SLCO6A1: variants seen among roughly 807,000 people sequenced by gnomAD.
SLCO6A1 encodes the protein solute carrier organic anion transporter family member 6A1.
A neutral mutation model predicts 72.7 loss-of-function variants in SLCO6A1; 65 were observed. The ratio of observed to expected loss-of-function variants is 0.89; its 90% CI spans 0.73 to 1.10. The LOEUF (loss-of-function observed/expected upper bound fraction) is 1.10, where lower values mean the gene tolerates loss of function less well. Ranked by LOEUF, SLCO6A1 falls within the 50% of genes least tolerant of loss-of-function variation. The pLI is 0.00. For missense variants in SLCO6A1, 874 were observed against 872.6 expected, an observed-to-expected ratio of 1.00 and a Z score of -0.02; for synonymous variants, 314 against 298.2, an observed-to-expected ratio of 1.05 and a Z score of -0.55.
At chr5:102,453,465 C>G (rs532288593) in intron 6 of SLCO6A1, among the ~76,000 whole-genome samples, 1 of 152,270 alleles carries the variant, frequency 6.6e-6, no homozygotes, top group East Asian at 1.9e-4. Flanking sequence ...ACCTCAGAGA[C>G]AGTTTGTACT....
At chr5:102,381,651 T>C (rs1486328819) in intron 12 of SLCO6A1, among the ~76,000 whole-genome samples, 1 of 151,748 alleles carries the variant, frequency 6.6e-6, no homozygotes, top group Non-Finnish European at 1.5e-5. Flanking sequence ...GAACTTGTTT[T>C]CAGTAATGGC....
chr5:102,481,946 C>T (rs543350373), intron 1 of SLCO6A1, among the ~76,000 whole-genome samples: 4 of 152,212 alleles, frequency 2.6e-5, no homozygotes, highest in Admixed American at 2.0e-4. Flanking sequence ...GCCAAAGAAG[C>T]CACGAGCCAG....
chr5:102,399,263 T>C (rs1408075155), intron 10 of SLCO6A1, among the ~76,000 whole-genome samples: 1 of 95,924 alleles, frequency 1.0e-5, no homozygotes, highest in Non-Finnish European at 2.3e-5. Flanking sequence ...ATCAAATCTG[T>C]TAAAATTAAT....
chr5:102,464,194 T>G (rs910727010), intron 4 of SLCO6A1, among the ~76,000 whole-genome samples: 1 of 151,486 alleles, frequency 6.6e-6, no homozygotes, highest in African/African-American at 2.4e-5. Context: ...ACTATCGAAA[T>G]AAAAAAACAG....
intron 9 of SLCO6A1, among the ~76,000 whole-genome samples, chr5:102,402,156 T>C (rs925392452): frequency 2.0e-5 from 3 of 152,014 alleles, no homozygotes; most frequent in Non-Finnish European, 4.4e-5. Context: ...AGTAAAGTTA[T>C]TGTAAAGGCC....
intron 6 of SLCO6A1, among the ~76,000 whole-genome samples, chr5:102,443,429 T>G (rs1479919335): frequency 6.6e-6 from 1 of 152,186 alleles, no homozygotes; most frequent in Non-Finnish European, 1.5e-5. Flanking sequence ...ACTCTTCCTC[T>G]TATTCATACT....
At chr5:102,466,012 C>G (rs923940729) in intron 4 of SLCO6A1, among the ~76,000 whole-genome samples, 1 of 152,064 alleles carries the variant, frequency 6.6e-6, no homozygotes, top group African/African-American at 2.4e-5. Context: ...TTGGGCTTCT[C>G]TTTTTCCTTT....
chr5:102,377,826 C>G (rs1168309489), intron 12 of SLCO6A1, among the ~76,000 whole-genome samples: 3 of 151,526 alleles, frequency 2.0e-5, no homozygotes, highest in Admixed American at 1.3e-4. Context: ...TGTGAGCCAC[C>G]ACATCCAGCT....
chr5:102,451,262 T>C (rs1161540012), intron 6 of SLCO6A1, among the ~76,000 whole-genome samples: 1 of 152,144 alleles, frequency 6.6e-6, no homozygotes, highest in African/African-American at 2.4e-5. Flanking sequence ...CCCAGGGATA[T>C]ACAGAGCTGC....
At chr5:102,415,480 T>C (rs1294405895) in intron 8 of SLCO6A1, among the ~76,000 whole-genome samples, 1 of 152,132 alleles carries the variant, frequency 6.6e-6, no homozygotes, top group Admixed American at 6.6e-5. Context: ...TTTCAATATA[T>C]GATGCTGGGA....
rs532997781 is a variant in SLCO6A1 at position 102,469,973 on chromosome 5, C to T, written c.899+5724G>A. On this transcript the variant is annotated intron_variant, in intron 4 of 13. Transcript: ENST00000506729. Reference sequence around the variant, plus strand: ...TGAGTGGATTATGTTTATTGATTTGCGTATGTTGAACCAGCCTTGCATCCC... The same window carrying T: ...TGAGTGGATTATGTTTATTGATTTGTGTATGTTGAACCAGCCTTGCATCCC... Among the ~76,000 whole-genome samples the T allele has an allele frequency of 3.9e-5, 6 of 152,194 alleles. No individual in the cohort carries two copies. In the South Asian group the frequency reaches 6.2e-4, roughly 16 times the overall value.
At position 102,480,166 on chromosome 5, in the gene SLCO6A1, T is replaced by C; in HGVS notation, c.616+11A>G. ...TGATTTGATGTATGACAGTATATTT[T>C]AAAACCTTACCTTCAATTCCTACCT... On this transcript the variant is annotated intron_variant, in intron 2 of 13. Transcript: ENST00000506729. The C allele has an allele frequency of 1.3e-6, 2 of 1,595,996 alleles. No homozygotes were observed. The highest frequency in any genetic ancestry group is 2.3e-5 in the South Asian group (2 of 88,714).
At chr5:102,492,235 G>A (rs567142210) in intron 1 of SLCO6A1, among the ~76,000 whole-genome samples, 1 of 152,142 alleles carries the variant, frequency 6.6e-6, no homozygotes, top group African/African-American at 2.4e-5. Flanking sequence ...CTATTGGAAA[G>A]AATGGACAAT....
chr5:102,450,341 G>A (rs1173838875), intron 6 of SLCO6A1, among the ~76,000 whole-genome samples: 4 of 152,198 alleles, frequency 2.6e-5, no homozygotes, highest in Admixed American at 2.6e-4. Flanking sequence ...GCTTTGTGCA[G>A]CATCTTTATT....
intron 12 of SLCO6A1, among the ~76,000 whole-genome samples, chr5:102,386,971 C>T (rs1400897446): frequency 1.3e-5 from 2 of 152,164 alleles, no homozygotes; most frequent in Non-Finnish European, 1.5e-5. Context: ...ATACTTCCTA[C>T]CCTCTTCAAT....
intron 11 of SLCO6A1, among the ~76,000 whole-genome samples, chr5:102,389,860 T>C (rs1746652572): frequency 6.6e-6 from 1 of 152,080 alleles, no homozygotes; most frequent in Admixed American, 6.6e-5. Flanking sequence ...CTGTATTTTT[T>C]CTTCTATCAG....
At chr5:102,446,751 A>ATGTTTTT (rs1750130218) in intron 6 of SLCO6A1, among the ~76,000 whole-genome samples, 1 of 72,182 alleles carries the variant, frequency 1.4e-5, no homozygotes, top group Non-Finnish European at 3.1e-5. Context: ...GTTTGTTGAA[A>ATGTTTTT]CGTTTTTTGT....
chr5:102,497,207 G>A (rs1363633145), intron 1 of SLCO6A1, among the ~76,000 whole-genome samples: 1 of 152,148 alleles, frequency 6.6e-6, no homozygotes, highest in Non-Finnish European at 1.5e-5. Context: ...GGTCTAAAGT[G>A]TTCAAATTCA....
chr5:102,376,229 A>C (rs1476782546), intron 12 of SLCO6A1, among the ~76,000 whole-genome samples: 1 of 152,134 alleles, frequency 6.6e-6, no homozygotes, highest in Admixed American at 6.6e-5. Flanking sequence ...CAGTCTCATT[A>C]AACAAAAATG....
Sources: allele counts gnomAD v4.1 joint callset (sites outside exome capture counted in the v4.1 genomes callset), GRCh38; gene constraint gnomAD v4.1.1; transcripts MANE v1.5; gene names NCBI Gene and HGNC (gene_info 2026-07-23, HGNC 2026-07-21).